Variants in PEMT observed in about 807,000 individuals in gnomAD.
The protein encoded by PEMT is phosphatidylethanolamine N-methyltransferase.
Under a neutral mutation model 27.4 loss-of-function variants are expected in PEMT, and 23 were observed. That is an observed-to-expected ratio of 0.84 (90% CI 0.60 to 1.19). PEMT has a LOEUF of 1.19. Ranked by LOEUF, PEMT falls within the 50% of genes most tolerant of loss-of-function variation. The pLI, the probability that PEMT is intolerant of heterozygous loss-of-function variation, is 0.00. For missense variants in PEMT, 307 were observed against 310.1 expected, an observed-to-expected ratio of 0.99 and a Z score of 0.07; for synonymous variants, 137 against 139.1, an observed-to-expected ratio of 0.98 and a Z score of 0.11.
intron 1 of PEMT, among the ~76,000 whole-genome samples, chr17:17,584,838 C>T (rs1912158485): frequency 6.6e-6 from 1 of 152,250 alleles, no homozygotes; most frequent in Non-Finnish European, 1.5e-5. Flanking sequence ...CAGCCATCTC[C>T]CCTCGCTGAG....
intron 2 of PEMT, among the ~76,000 whole-genome samples, chr17:17,539,864 T>G (rs1276645748): frequency 1.3e-5 from 2 of 152,180 alleles, no homozygotes; most frequent in Non-Finnish European, 2.9e-5. Context: ...CACTGGCGCC[T>G]GAATCTCTCA....
intron 1 of PEMT, among the ~76,000 whole-genome samples, chr17:17,579,542 G>A (rs895248718): frequency 6.6e-6 from 1 of 152,226 alleles, no homozygotes; most frequent in Admixed American, 6.5e-5. Flanking sequence ...GCTGGGCGTG[G>A]TGGTGCATGC....
chr17:17,591,914 C>T, upstream of PEMT: 1 of 985,470 alleles, frequency 1.0e-6, no homozygotes, highest in Non-Finnish European at 1.2e-6. Flanking sequence ...TGGATCCGGC[C>T]TCCCGCCCAG....
At chr17:17,591,940 G>C (rs1303707625), upstream of PEMT, 5 of 985,278 alleles carry the variant, frequency 5.1e-6, no homozygotes, top group African/African-American at 8.7e-5. Context: ...TTGGTCGCCG[G>C]CTGCCGCACC....
intron 4 of PEMT, among the ~76,000 whole-genome samples, 172 bp from the exon 5 acceptor site, chr17:17,509,717 C>A (rs1171671831): frequency 3.3e-5 from 5 of 152,190 alleles, no homozygotes; most frequent in Non-Finnish European, 7.4e-5. Context: ...ACCCAACAGG[C>A]ACGCAGACAG....
chr17:17,545,025 C>G (rs1692921470), intron 2 of PEMT, among the ~76,000 whole-genome samples: 1 of 152,204 alleles, frequency 6.6e-6, no homozygotes, highest in South Asian at 2.1e-4. Flanking sequence ...AAGGCACTTC[C>G]TGTTCCAAAG....
At chr17:17,576,079 G>A (rs1005676661) in intron 2 of PEMT, among the ~76,000 whole-genome samples, 5 of 151,920 alleles carry the variant, frequency 3.3e-5, no homozygotes, top group African/African-American at 7.3e-5. Context: ...CCCAACCCCC[G>A]CTGAGCCCCA....
chr17:17,586,289 A>AAAGAAAGG (rs1491465188), intron 1 of PEMT, among the ~76,000 whole-genome samples: 8 of 63,512 alleles, frequency 1.3e-4, no homozygotes, highest in African/African-American at 7.2e-4. Context: ...AGAAAGAAAG[A>AAAGAAAGG]AAAAAAAAAA....
At chr17:17,525,456 C>A (rs998658267) in intron 2 of PEMT, among the ~76,000 whole-genome samples, 4 of 152,250 alleles carry the variant, frequency 2.6e-5, no homozygotes, top group Non-Finnish European at 5.9e-5. Context: ...GGGAGCCCAG[C>A]TGCTCGTTTC....
intron 2 of PEMT, among the ~76,000 whole-genome samples, chr17:17,576,707 G>A (rs772543397): frequency 1.2e-4 from 19 of 152,174 alleles, no homozygotes; most frequent in African/African-American, 2.2e-4. Context: ...CCATCCTGAC[G>A]CCAGCCTGGG....
intron 1 of PEMT, among the ~76,000 whole-genome samples, chr17:17,581,706 C>A (rs1368252386): frequency 6.6e-6 from 1 of 152,232 alleles, no homozygotes; most frequent in Non-Finnish European, 1.5e-5. Context: ...TCCCCCCTCT[C>A]CCTCCTGTGC....
intron 2 of PEMT, among the ~76,000 whole-genome samples, chr17:17,527,989 G>C (rs1907809237): frequency 6.6e-6 from 1 of 152,190 alleles, no homozygotes; most frequent in South Asian, 2.1e-4. Flanking sequence ...ACCTGGCCCA[G>C]GGCTCCCAGC....
chr17:17,541,209 T>C (rs2142600761), intron 2 of PEMT, among the ~76,000 whole-genome samples: 1 of 152,308 alleles, frequency 6.6e-6, no homozygotes, highest in East Asian at 1.9e-4. Context: ...GACTGGGCAT[T>C]ACAGAAGCAC....
At chr17:17,562,982 T>G (rs933895297) in intron 2 of PEMT, among the ~76,000 whole-genome samples, 3 of 152,156 alleles carry the variant, frequency 2.0e-5, no homozygotes, top group African/African-American at 7.2e-5. Context: ...AGACGCTCCC[T>G]TTTCCATGCC....
chr17:17,545,611 G>A (rs1044544057), intron 2 of PEMT, among the ~76,000 whole-genome samples: 1 of 152,180 alleles, frequency 6.6e-6, no homozygotes, highest in African/African-American at 2.4e-5. Context: ...CTCTTTCTGC[G>A]GGGCCGGGTC....
rs1483079761 is a variant in PEMT at position 17,513,763 on chromosome 17, G to A, written c.321-1109C>T. Among the ~76,000 whole-genome samples, 1 of 151,998 alleles carries A rather than the reference G, an allele frequency of 6.6e-6. No homozygotes were observed. The highest frequency in any genetic ancestry group is 1.5e-5 in the Non-Finnish European group (1 of 68,000). On this transcript the variant is annotated intron_variant, in intron 3 of 6. Coordinates refer to ENST00000255389, the MANE Select transcript of PEMT (RefSeq NM_148172.3). The surrounding 1 kb of genome is among the most constrained non-coding windows in gnomAD (Gnocchi z 4.1). ...CAGGCCTCATCACAGGGGAGCGGGC[G>A]CTGGTGGGAAGGGGGCCCTGGGTGC...
In PEMT at chr17:17,547,000, G is replaced by A. The variant is rs141680079; in HGVS notation, c.205-24605C>T. On this transcript the variant is annotated intron_variant, in intron 2 of 6. Transcript: ENST00000255389. ...GTCAGAAGAGCTCCAGGGGGCCTGC[G>A]CCCCCGAAGAGCTGGGCTGCCCACT... Among the ~76,000 whole-genome samples, 155 of 152,354 alleles carry A rather than the reference G, an allele frequency of 1.0e-3. 4 individuals carry two copies. In the East Asian group the frequency reaches 0.029, roughly 28 times the overall value.
intron 2 of PEMT, among the ~76,000 whole-genome samples, chr17:17,535,498 G>A (rs969764158): frequency 7.9e-5 from 12 of 151,712 alleles, no homozygotes; most frequent in African/African-American, 2.4e-4. Flanking sequence ...CCCAGGAGAC[G>A]AGGTTACAGT....
chr17:17,572,914 C>A (rs187706825), intron 2 of PEMT, among the ~76,000 whole-genome samples: 2 of 152,260 alleles, frequency 1.3e-5, no homozygotes, highest in Non-Finnish European at 2.9e-5. Flanking sequence ...AAGAGCCAGG[C>A]GTGGTGGCTC....
Sources: allele counts gnomAD v4.1 joint callset (sites outside exome capture counted in the v4.1 genomes callset), GRCh38; gene constraint gnomAD v4.1.1; non-coding constraint Gnocchi (gnomAD v3.1); transcripts MANE v1.5; gene names NCBI Gene and HGNC (gene_info 2026-07-23, HGNC 2026-07-21).